SOX5: variants seen among roughly 807,000 people sequenced by gnomAD.
SOX5 encodes transcription factor SOX-5.
Under a neutral mutation model 92.0 loss-of-function variants are expected in SOX5, and 9 were observed. The ratio of observed to expected loss-of-function variants is 0.10; its 90% CI spans 0.06 to 0.17. The LOEUF is 0.17. Ranked by LOEUF, SOX5 falls within the 10% of genes least tolerant of loss-of-function variation. The pLI is 1.00. For synonymous variants in SOX5, 344 were observed against 336.3 expected (o/e 1.02, Z -0.25); for missense variants, 642 against 944.5 (o/e 0.68, Z 4.20).
chr12:23,979,901 CTGGCTGG>C lies in SOX5; in HGVS notation c.-1-83884_-1-83878del, dbSNP rs772340514. Among the ~76,000 whole-genome samples the C allele has an allele frequency of 6.2e-3, 875 of 141,236 alleles. 6 individuals are homozygous for C. The highest frequency in any genetic ancestry group is 0.02 in the African/African-American group (732 of 37,068). The allele number at this position is 141,236 out of a possible 152,430, so 92.7% of individuals were successfully genotyped here. A position where few individuals can be genotyped will look rare whatever the true frequency, so the allele number is the denominator to read the frequency against. On this transcript the variant is annotated intron_variant, in intron 4 of 4. Transcript: ENST00000446891. ...CCTGGCTGGCTGGCTGGCTGGCTGG[CTGGCTGG>C]CTGGCCAGACAGACAGACAGACAGA...
intron 4 of SOX5, among the ~76,000 whole-genome samples, chr12:24,113,712 A>C (rs1480733471): frequency 2.0e-5 from 3 of 152,216 alleles, no homozygotes; most frequent in Admixed American, 2.0e-4. Context: ...GGCAAGAGAA[A>C]GAATGACAAA....
At chr12:23,765,914 C>T (rs2094711363) in intron 3 of SOX5, among the ~76,000 whole-genome samples, 1 of 152,088 alleles carries the variant, frequency 6.6e-6, no homozygotes, top group South Asian at 2.1e-4. Flanking sequence ...GACATGGCCT[C>T]TGTACCTTAG....
intron 3 of SOX5, among the ~76,000 whole-genome samples, chr12:24,217,510 C>T (rs1038059927): frequency 1.3e-5 from 2 of 152,166 alleles, no homozygotes; most frequent in African/African-American, 4.8e-5. Context: ...GGATGACATA[C>T]ACCTACATGT....
intron 1 of SOX5, among the ~76,000 whole-genome samples, chr12:24,428,306 T>C (rs1455281127): frequency 6.6e-6 from 1 of 152,026 alleles, no homozygotes; most frequent in Non-Finnish European, 1.5e-5. Flanking sequence ...ACTCTTTCAA[T>C]TGCTCTTCTC....
chr12:24,535,668 G>T (rs975543115), intron 1 of SOX5, among the ~76,000 whole-genome samples: 1 of 152,184 alleles, frequency 6.6e-6, no homozygotes, highest in Non-Finnish European at 1.5e-5. Flanking sequence ...CGCAGTCACT[G>T]TTGCTAGAGC....
chr12:23,939,646 C>T (rs1943241286), intron 1 of SOX5, among the ~76,000 whole-genome samples: 1 of 150,520 alleles, frequency 6.6e-6, no homozygotes, highest in South Asian at 2.1e-4. Flanking sequence ...ATGTATATTC[C>T]TGATGGTATA....
At chr12:23,753,787 C>G (rs1316341016) in intron 4 of SOX5, among the ~76,000 whole-genome samples, 1 of 151,724 alleles carries the variant, frequency 6.6e-6, no homozygotes, top group African/African-American at 2.4e-5. Flanking sequence ...TTCACTTACC[C>G]CCAGAGGGCA....
intron 9 of SOX5, among the ~76,000 whole-genome samples, chr12:23,594,058 A>G (rs1042097660): frequency 3.3e-5 from 5 of 152,196 alleles, no homozygotes; most frequent in Non-Finnish European, 7.3e-5. Flanking sequence ...TTTAAAATGA[A>G]TACTCATGTA....
At chr12:23,558,600 C>T (rs1323852444) in intron 11 of SOX5, among the ~76,000 whole-genome samples, 1 of 148,534 alleles carries the variant, frequency 6.7e-6, no homozygotes, top group Non-Finnish European at 1.5e-5. Context: ...AAAAATGAAT[C>T]ACTACTTTTT....
intron 4 of SOX5, among the ~76,000 whole-genome samples, chr12:24,132,101 TA>T (rs1949701680): frequency 6.6e-6 from 1 of 152,144 alleles, no homozygotes; most frequent in African/African-American, 2.4e-5. Flanking sequence ...AGTAAAAAGT[TA>T]AAAATAAAAG....
chr12:24,327,874 G>A (rs796903443), intron 2 of SOX5, among the ~76,000 whole-genome samples: 14 of 151,342 alleles, frequency 9.3e-5, no homozygotes, highest in African/African-American at 3.2e-4. Flanking sequence ...TTTTTTTTTG[G>A]TAGAGCTGGG....
At chr12:23,996,805 G>T (rs186341033) in intron 4 of SOX5, among the ~76,000 whole-genome samples, 28 of 152,194 alleles carry the variant, frequency 1.8e-4, no homozygotes, top group Admixed American at 1.0e-3. Flanking sequence ...GGTTTGTGTT[G>T]CCAGGGTCTA....
chr12:23,706,004 T>C (rs919056428), intron 6 of SOX5, among the ~76,000 whole-genome samples: 1 of 152,008 alleles, frequency 6.6e-6, no homozygotes, highest in African/African-American at 2.4e-5. Context: ...TAATGCTTTA[T>C]GCATCTTGCT....
chr12:24,463,693 G>C (rs768596825), intron 1 of SOX5, among the ~76,000 whole-genome samples: 11 of 152,222 alleles, frequency 7.2e-5, no homozygotes, highest in Non-Finnish European at 1.5e-4. Flanking sequence ...TATAGGGAGA[G>C]CACTGGTGCC....
chr12:24,253,603 A>C (rs1940596099), intron 3 of SOX5, among the ~76,000 whole-genome samples: 1 of 152,206 alleles, frequency 6.6e-6, no homozygotes, highest in Admixed American at 6.5e-5. Context: ...TTAAGATACT[A>C]ATTTTCTAAG....
At chr12:23,733,541 CT>C (rs2093472273) in intron 6 of SOX5, among the ~76,000 whole-genome samples, 1 of 152,080 alleles carries the variant, frequency 6.6e-6, no homozygotes, top group Non-Finnish European at 1.5e-5. Flanking sequence ...CACTGTCTCA[CT>C]GAAGCTATCT....
At chr12:23,777,571 C>T (rs1370807839) in intron 3 of SOX5, among the ~76,000 whole-genome samples, 6 of 152,220 alleles carry the variant, frequency 3.9e-5, no homozygotes, top group African/African-American at 1.2e-4. Flanking sequence ...AACACATACA[C>T]ACACAATACA....
intron 4 of SOX5, among the ~76,000 whole-genome samples, chr12:24,190,428 C>A (rs934360548): frequency 1.3e-5 from 2 of 152,164 alleles, no homozygotes; most frequent in Admixed American, 1.3e-4. Context: ...TCTTAAAAAC[C>A]TATACGGAGG....
chr12:24,093,367 A>C (rs555050132), intron 4 of SOX5, among the ~76,000 whole-genome samples: 63 of 152,024 alleles, frequency 4.1e-4, no homozygotes, highest in East Asian at 3.7e-3. Context: ...TAAAAACACA[A>C]AAAAAACTAG....
Sources: gnomAD v4.1 joint callset for allele counts (sites outside exome capture counted in the v4.1 genomes callset) on GRCh38, gnomAD v4.1.1 for gene constraint, MANE v1.5 for transcripts, NCBI Gene and HGNC (gene_info 2026-07-23, HGNC 2026-07-21) for gene names.